The following BLTP3A variants were observed in gnomAD, a reference collection of about 807,000 sequenced individuals.
BLTP3A encodes bridge-like lipid transfer protein family member 3A, also known as ICBP90 binding protein 1.
At chr6:34,861,235 C>T in the BLTP3A span, among the ~76,000 whole-genome samples, 1 of 152,064 alleles carries the variant, frequency 6.6e-6, no homozygotes. Flanking sequence ...AAGTGATCCT[C>T]CTGCCTCAGC....
the BLTP3A span, chr6:34,856,764 C>CT: frequency 1.2e-6 from 2 of 1,605,858 alleles, no homozygotes; most frequent in Non-Finnish European, 1.7e-6. Flanking sequence ...GTATCTGATT[C>CT]TTTTTCCCAC....
chr6:34,840,369 A>G, the BLTP3A span, among the ~76,000 whole-genome samples: 1 of 148,460 alleles, frequency 6.7e-6, no homozygotes, highest in African/African-American at 2.5e-5. Context: ...CCTGGCCAAC[A>G]TGGTGAAACC....
the BLTP3A span, chr6:34,870,950 C>G: frequency 7.2e-5 from 116 of 1,614,070 alleles, no homozygotes; most frequent in East Asian, 2.4e-3. Flanking sequence ...GCTGTTCATT[C>G]CCCCCTGGCC....
the BLTP3A span, among the ~76,000 whole-genome samples, chr6:34,827,817 G>T: frequency 1.3e-5 from 2 of 151,978 alleles, no homozygotes; most frequent in Middle Eastern, 3.4e-3. Context: ...TTTTTAGTAA[G>T]GACGGGGTTT....
At chr6:34,856,145 C>G in the BLTP3A span, 2 of 1,430,826 alleles carry the variant, frequency 1.4e-6, no homozygotes, top group African/African-American at 2.9e-5. Context: ...GGTGAGGAAT[C>G]AGATTCTGAA....
At chr6:34,871,467 A>G in the BLTP3A span, 1 of 1,010,344 alleles carries the variant, frequency 9.9e-7, no homozygotes, top group Non-Finnish European at 1.5e-6. Flanking sequence ...TATACCTTCC[A>G]AGAATGTATG....
At chr6:34,855,759 G>A in the BLTP3A span, 3 of 1,608,332 alleles carry the variant, frequency 1.9e-6, no homozygotes, top group Non-Finnish European at 1.7e-6. Flanking sequence ...ATTGAGGGCA[G>A]ATTCCTGGAT....
At chr6:34,872,018 CGT>C in the BLTP3A span, 3 of 1,242,526 alleles carry the variant, frequency 2.4e-6, no homozygotes, top group Non-Finnish European at 3.4e-6. Flanking sequence ...AAAAAGGTTG[CGT>C]GTGCTGCCTG....
At chr6:34,804,149 G>A in the BLTP3A span, among the ~76,000 whole-genome samples, 2 of 152,064 alleles carry the variant, frequency 1.3e-5, no homozygotes, top group East Asian at 1.9e-4. Flanking sequence ...GCTTCCTAGC[G>A]TCTTTAAGGA....
chr6:34,853,384 G>A, the BLTP3A span, among the ~76,000 whole-genome samples: 1 of 151,894 alleles, frequency 6.6e-6, no homozygotes, highest in African/African-American at 2.4e-5. Context: ...GTGGCAGGGG[G>A]AGTGTTTTTG....
chr6:34,814,635 G>A, the BLTP3A span, among the ~76,000 whole-genome samples: 1 of 152,208 alleles, frequency 6.6e-6, no homozygotes, highest in South Asian at 2.1e-4. Flanking sequence ...AGACCTGATG[G>A]CACAGTATCC....
the BLTP3A span, among the ~76,000 whole-genome samples, chr6:34,822,667 C>T: frequency 2.0e-5 from 3 of 151,898 alleles, no homozygotes; most frequent in Non-Finnish European, 4.4e-5. Context: ...ACCAGCCTGA[C>T]CAACATGGTG....
the BLTP3A span, chr6:34,858,908 A>G: frequency 6.2e-7 from 1 of 1,614,174 alleles, no homozygotes; most frequent in South Asian, 1.1e-5. Context: ...CTTCAGGAGC[A>G]GCTGACTAAG....
the BLTP3A span, among the ~76,000 whole-genome samples, chr6:34,820,287 T>C: frequency 1.3e-5 from 2 of 152,166 alleles, no homozygotes; most frequent in Non-Finnish European, 2.9e-5. Flanking sequence ...TTTAATTCTT[T>C]TCTGTGTGGG....
the BLTP3A span, among the ~76,000 whole-genome samples, chr6:34,824,674 C>CT: frequency 4.3e-4 from 62 of 145,720 alleles, no homozygotes; most frequent in Admixed American, 4.2e-3. Flanking sequence ...TTTCTTTTTT[C>CT]TTTTTTTTGG....
chr6:34,836,554 A>G, the BLTP3A span, among the ~76,000 whole-genome samples: 4 of 152,216 alleles, frequency 2.6e-5, no homozygotes, highest in African/African-American at 9.6e-5. Context: ...GGTACAGTAG[A>G]ACCACATGTC....
chr6:34,821,666 C>G, the BLTP3A span: 4 of 1,611,698 alleles, frequency 2.5e-6, no homozygotes, highest in Non-Finnish European at 3.4e-6. Flanking sequence ...CACTAAGAAT[C>G]TTTCCCCAGA....
At chr6:34,845,442 A>G in the BLTP3A span, among the ~76,000 whole-genome samples, 1 of 152,112 alleles carries the variant, frequency 6.6e-6, no homozygotes, top group Admixed American at 6.6e-5. Flanking sequence ...GTTTTGAGAC[A>G]GGGTCTTGCT....
the BLTP3A span, among the ~76,000 whole-genome samples, chr6:34,801,729 A>G: frequency 6.6e-6 from 1 of 151,610 alleles, no homozygotes; most frequent in African/African-American, 2.4e-5. Flanking sequence ...TTATTTATTT[A>G]TTTATTTTTT....
Sources: gnomAD v4.1 joint callset for allele counts (sites outside exome capture counted in the v4.1 genomes callset) on GRCh38, gnomAD v4.1.1 for gene constraint, MANE v1.5 for transcripts, NCBI Gene and HGNC (gene_info 2026-07-23, HGNC 2026-07-21) for gene names.